Variants in SOX5 observed in about 807,000 individuals in gnomAD.
The protein encoded by SOX5 is transcription factor SOX-5.
A neutral mutation model predicts 92.0 loss-of-function variants in SOX5; 9 were observed. That is an observed-to-expected ratio of 0.10 (90% confidence interval 0.06 to 0.17). SOX5 has a LOEUF of 0.17. Among genes scored for constraint, SOX5 ranks in the 10% least tolerant of loss-of-function variants. The probability of loss-of-function intolerance (pLI) is 1.00; values close to 1 mark genes in which losing one functional copy is unlikely to be tolerated. For synonymous variants in SOX5, 344 were observed against 336.3 expected, an observed-to-expected ratio of 1.02 and a Z score of -0.25; for missense variants, 642 against 944.5, an observed-to-expected ratio of 0.68 and a Z score of 4.20.
At chr12:23,974,651 G>A (rs12304954) in intron 4 of SOX5, among the ~76,000 whole-genome samples, 4,862 of 152,202 alleles carry the variant, frequency 0.032, 261 homozygotes, top group African/African-American at 0.11. Context: ...GGAATGACGG[G>A]AAGATAGTGG....
intron 1 of SOX5, among the ~76,000 whole-genome samples, chr12:24,396,310 A>G (rs1299607388): frequency 2.0e-5 from 3 of 152,126 alleles, no homozygotes; most frequent in East Asian, 1.9e-4. Context: ...ATTCCCTGCT[A>G]TATCCAGACG....
chr12:24,116,583 C>T (rs775855310), intron 4 of SOX5, among the ~76,000 whole-genome samples: 2 of 152,112 alleles, frequency 1.3e-5, no homozygotes, highest in Non-Finnish European at 2.9e-5. Flanking sequence ...CCTATGCTAG[C>T]TTTCAATTTA....
At chr12:24,420,772 T>A (rs916689859) in intron 1 of SOX5, among the ~76,000 whole-genome samples, 2 of 152,150 alleles carry the variant, frequency 1.3e-5, no homozygotes, top group Non-Finnish European at 2.9e-5. Flanking sequence ...TAGTGAGTAT[T>A]GATAACTAAT....
chr12:24,414,862 A>G (rs1233872252), intron 1 of SOX5, among the ~76,000 whole-genome samples: 2 of 152,174 alleles, frequency 1.3e-5, no homozygotes, highest in Non-Finnish European at 2.9e-5. Context: ...TCCTGTCAAC[A>G]GAGCTTTTAC....
At chr12:23,906,765 A>T (rs1022140490) in intron 1 of SOX5, among the ~76,000 whole-genome samples, 2 of 152,174 alleles carry the variant, frequency 1.3e-5, no homozygotes, top group East Asian at 3.8e-4. Context: ...TATAAGTACA[A>T]TTTTTCTGAC....
chr12:23,968,455 C>A (rs1947840707), intron 4 of SOX5, among the ~76,000 whole-genome samples: 1 of 152,176 alleles, frequency 6.6e-6, no homozygotes, highest in Admixed American at 6.5e-5. Context: ...TGTTTAAGCC[C>A]TCATGAATGG....
intron 4 of SOX5, among the ~76,000 whole-genome samples, chr12:24,058,982 T>C (rs905417582): frequency 7.9e-5 from 12 of 152,288 alleles, no homozygotes; most frequent in African/African-American, 2.2e-4. Flanking sequence ...GAATTGTGAA[T>C]AGTCTATAGC....
chr12:23,667,060 G>A (rs78298929), intron 6 of SOX5, among the ~76,000 whole-genome samples: 15,258 of 151,966 alleles, frequency 0.1, 776 homozygotes, highest in Non-Finnish European at 0.11. Context: ...GGGGGGCAGC[G>A]AGGACTGAGA....
intron 1 of SOX5, among the ~76,000 whole-genome samples, chr12:24,536,458 A>G (rs1951651383): frequency 6.6e-6 from 1 of 152,196 alleles, no homozygotes; most frequent in African/African-American, 2.4e-5. Context: ...AGTTCAGAGC[A>G]ACACACATTT....
intron 4 of SOX5, among the ~76,000 whole-genome samples, chr12:24,013,883 C>T (rs1022194386): frequency 6.6e-6 from 1 of 151,968 alleles, no homozygotes; most frequent in Non-Finnish European, 1.5e-5. Context: ...TTGGAGCTGC[C>T]CAAAGGGTAT....
At chr12:24,291,902 T>A (rs184058691) in intron 2 of SOX5, among the ~76,000 whole-genome samples, 16 of 152,312 alleles carry the variant, frequency 1.1e-4, no homozygotes, top group Admixed American at 2.6e-4. Flanking sequence ...TTGCCAGAGA[T>A]GAAAGTGCCG....
At chr12:24,348,498 T>TCA (rs987769615) in intron 2 of SOX5, among the ~76,000 whole-genome samples, 4 of 152,112 alleles carry the variant, frequency 2.6e-5, no homozygotes, top group African/African-American at 9.7e-5. Context: ...TTCTCCTGCC[T>TCA]CAGCCTCCCG....
intron 4 of SOX5, among the ~76,000 whole-genome samples, chr12:24,123,341 G>T (rs114086070): frequency 8.6e-4 from 131 of 152,344 alleles, no homozygotes; most frequent in African/African-American, 3.0e-3. Context: ...CAGAGATAGA[G>T]AGTTATAGTT....
At chr12:23,548,667 A>T (rs895296975) in intron 11 of SOX5, among the ~76,000 whole-genome samples, 2 of 152,190 alleles carry the variant, frequency 1.3e-5, no homozygotes, top group South Asian at 4.1e-4. Flanking sequence ...AAGTGTGGAC[A>T]ATAAATTCAG....
chr12:23,820,606 T>C (rs892808463), intron 3 of SOX5, among the ~76,000 whole-genome samples: 8 of 152,214 alleles, frequency 5.3e-5, no homozygotes, highest in African/African-American at 1.9e-4. Context: ...TTGTATAAAG[T>C]ATAGGGAAGG....
At chr12:23,744,721 T>C (rs1336006419) in intron 4 of SOX5, among the ~76,000 whole-genome samples, 3 of 152,210 alleles carry the variant, frequency 2.0e-5, no homozygotes, top group African/African-American at 7.2e-5. Flanking sequence ...TTTTTGTGTG[T>C]CTTATCCTTG....
rs546803410 is a variant in SOX5, at chr12:24,050,378, G to A, written c.-1-154354C>T. ...CATAAGCTTCGTCAGCAAACACGGTGAGTGTATACCTGTTCATGGTGACTG... is the reference window on the plus strand; with the variant it reads ...CATAAGCTTCGTCAGCAAACACGGTAAGTGTATACCTGTTCATGGTGACTG... On this transcript the variant is annotated intron_variant, in intron 4 of 4. Coordinates refer to the SOX5 transcript ENST00000446891. Among the ~76,000 whole-genome samples the A allele has an allele frequency of 6.6e-5, 10 of 152,254 alleles. No homozygotes were observed. The South Asian group carries it at 2.1e-3, about 32-fold the overall frequency.
At chr12:23,775,761 T>C (rs1200787821) in intron 3 of SOX5, among the ~76,000 whole-genome samples, 1 of 152,200 alleles carries the variant, frequency 6.6e-6, no homozygotes, top group African/African-American at 2.4e-5. Context: ...GTTTCCACTA[T>C]CTATTTGCAC....
intron 4 of SOX5, among the ~76,000 whole-genome samples, chr12:23,982,712 T>TA (rs1331999241): frequency 3.3e-5 from 5 of 152,002 alleles, no homozygotes; most frequent in South Asian, 2.1e-4. Flanking sequence ...TAGTAACATT[T>TA]AAAAAAAGGA....
Sources: gnomAD v4.1 joint callset for allele counts (sites outside exome capture counted in the v4.1 genomes callset) on GRCh38, gnomAD v4.1.1 for gene constraint, MANE v1.5 for transcripts, NCBI Gene and HGNC (gene_info 2026-07-23, HGNC 2026-07-21) for gene names.